GRM1: variants seen among roughly 807,000 people sequenced by gnomAD.
GRM1 encodes the protein metabotropic glutamate receptor 1.
Under a neutral mutation model 90.9 loss-of-function variants are expected in GRM1, and 33 were observed. The ratio of observed to expected loss-of-function variants is 0.36; its 90% CI spans 0.28 to 0.49. The LOEUF is 0.49. Ranked by LOEUF, GRM1 falls within the 20% of genes least tolerant of loss-of-function variation. The pLI is 0.99. For synonymous variants in GRM1, 700 were observed against 613.2 expected (o/e 1.14, Z -2.09); for missense variants, 1,190 against 1,534.3 (o/e 0.78, Z 3.75).
chr6:146,056,399 C>T (rs1055889844), intron 1 of GRM1, among the ~76,000 whole-genome samples: 2 of 152,058 alleles, frequency 1.3e-5, no homozygotes, highest in Admixed American at 6.6e-5. Flanking sequence ...GTATGTGAAA[C>T]GTCCCTGTCT....
intron 2 of GRM1, among the ~76,000 whole-genome samples, chr6:146,248,057 T>C (rs999923236): frequency 2.0e-5 from 3 of 151,872 alleles, no homozygotes; most frequent in African/African-American, 7.3e-5. Context: ...GGATGCTCTG[T>C]TCTGGGGGAA....
chr6:146,135,767 G>A (rs1776594926), intron 1 of GRM1, among the ~76,000 whole-genome samples: 2 of 152,110 alleles, frequency 1.3e-5, no homozygotes, highest in South Asian at 4.1e-4. Context: ...ATCACCTTAA[G>A]CATTTACCCT....
chr6:146,196,918 T>C (rs1779143193), intron 2 of GRM1, among the ~76,000 whole-genome samples: 1 of 152,176 alleles, frequency 6.6e-6, no homozygotes, highest in Non-Finnish European at 1.5e-5. Context: ...CTGTGAAAGA[T>C]ACAAGAGAAC....
At chr6:146,129,136 T>C (rs1386597322) in intron 1 of GRM1, among the ~76,000 whole-genome samples, 4 of 152,212 alleles carry the variant, frequency 2.6e-5, no homozygotes, top group Admixed American at 6.5e-5. Flanking sequence ...TAATTTCTTT[T>C]GGTGGTTAAA....
intron 2 of GRM1, among the ~76,000 whole-genome samples, chr6:146,227,454 A>G (rs1490543809): frequency 6.6e-6 from 1 of 152,220 alleles, no homozygotes; most frequent in East Asian, 1.9e-4. Flanking sequence ...CCAGCATTGT[A>G]GTATCACACA....
chr6:146,196,992 G>A (rs1229654738), intron 2 of GRM1, among the ~76,000 whole-genome samples: 1 of 152,134 alleles, frequency 6.6e-6, no homozygotes, highest in African/African-American at 2.4e-5. Flanking sequence ...GGGGAAATTG[G>A]ACCTACACCC....
intron 2 of GRM1, among the ~76,000 whole-genome samples, chr6:146,187,866 G>A (rs1053423201): frequency 1.3e-5 from 2 of 151,932 alleles, no homozygotes; most frequent in South Asian, 2.1e-4. Context: ...TCTATAATCG[G>A]TAAGAACAAC....
At chr6:146,243,427 G>A (rs1478886814) in intron 2 of GRM1, among the ~76,000 whole-genome samples, 1 of 152,018 alleles carries the variant, frequency 6.6e-6, no homozygotes, top group Non-Finnish European at 1.5e-5. Context: ...TGTCTGCCTT[G>A]AGTAATTCTT....
intron 3 of GRM1, among the ~76,000 whole-genome samples, chr6:146,312,720 T>C (rs983810274): frequency 3.9e-5 from 6 of 152,238 alleles, no homozygotes; most frequent in Non-Finnish European, 7.3e-5. Context: ...ATTGTTTCTG[T>C]AGTATTTGGA....
intron 1 of GRM1, among the ~76,000 whole-genome samples, chr6:146,075,801 A>G (rs1405120668): frequency 6.6e-6 from 1 of 152,180 alleles, no homozygotes; most frequent in Non-Finnish European, 1.5e-5. Context: ...TTGTAGCTGC[A>G]TCACTGCAAT....
intron 5 of GRM1, among the ~76,000 whole-genome samples, chr6:146,380,144 C>G (rs1269363349): frequency 2.6e-5 from 4 of 152,054 alleles, no homozygotes; most frequent in Non-Finnish European, 5.9e-5. Context: ...CTGGGCTCTA[C>G]AGTCAGCAAG....
intron 2 of GRM1, among the ~76,000 whole-genome samples, chr6:146,213,949 G>A (rs575760547): frequency 1.3e-4 from 20 of 152,224 alleles, no homozygotes; most frequent in African/African-American, 4.6e-4. Context: ...TGTAAGTCCT[G>A]GAGTCCAAAA....
chr6:146,290,892 A>G (rs1000316984), intron 2 of GRM1, among the ~76,000 whole-genome samples: 7 of 152,112 alleles, frequency 4.6e-5, no homozygotes, highest in African/African-American at 1.4e-4. Context: ...ACTTTTGGGG[A>G]TGTTGGGATA....
At position 146,391,020 on chromosome 6, in the gene GRM1, G is replaced by A. The variant is rs1443321162; in HGVS notation, c.1729+4004G>A. On this transcript the variant is annotated intron_variant, in intron 6 of 7. Coordinates refer to ENST00000282753, the MANE Select transcript of GRM1 (RefSeq NM_001278064.2). ...TTTATATTGATTTTAAAACAATCAG[G>A]GAAGCATTTTGATGAAGGTTTATAT... is the stretch of plus-strand genomic sequence containing the variant. 3.3e-5 allele frequency among the ~76,000 whole-genome samples: 5 copies of A among 151,976 alleles called. 1 individual carries two copies. In the South Asian group the frequency reaches 8.3e-4, roughly 25 times the overall value.
At chr6:146,117,960 T>G (rs1775820162) in intron 1 of GRM1, among the ~76,000 whole-genome samples, 1 of 152,036 alleles carries the variant, frequency 6.6e-6, no homozygotes, top group Non-Finnish European at 1.5e-5. Flanking sequence ...ATTACACAAC[T>G]TGCTTACCAC....
At chr6:146,210,724 A>C (rs17075748) in intron 2 of GRM1, among the ~76,000 whole-genome samples, 30,901 of 152,136 alleles carry the variant, frequency 0.2, 6,861 homozygotes, top group African/African-American at 0.56. Context: ...AAAGTATTTG[A>C]AAAAGGGCTC....
intron 2 of GRM1, among the ~76,000 whole-genome samples, chr6:146,243,566 T>G (rs778565458): frequency 1.1e-4 from 16 of 151,578 alleles, no homozygotes; most frequent in Non-Finnish European, 2.2e-4. Flanking sequence ...GGGGAGGGAG[T>G]GTACGAATAG....
At chr6:146,102,689 T>G (rs1777090271) in intron 1 of GRM1, among the ~76,000 whole-genome samples, 1 of 152,220 alleles carries the variant, frequency 6.6e-6, no homozygotes, top group South Asian at 2.1e-4. Context: ...TGGGATACAG[T>G]AACTATTTTT....
chr6:146,048,785 A>G (rs992590215), intron 1 of GRM1, among the ~76,000 whole-genome samples: 8 of 152,052 alleles, frequency 5.3e-5, no homozygotes, highest in African/African-American at 1.7e-4. Flanking sequence ...TCTGCAAGCC[A>G]GGGAATGCCA....
Sources: allele counts gnomAD v4.1 joint callset (sites outside exome capture counted in the v4.1 genomes callset), GRCh38; gene constraint gnomAD v4.1.1; transcripts MANE v1.5; gene names NCBI Gene and HGNC (gene_info 2026-07-23, HGNC 2026-07-21).